The following PLAT variants were observed in gnomAD, a reference collection of about 807,000 sequenced individuals.
The protein encoded by PLAT is tissue-type plasminogen activator.
PLAT carries 48 observed loss-of-function variants against 74.9 expected under a neutral mutation model. That is an observed-to-expected ratio of 0.64 (90% CI 0.51 to 0.82). PLAT has a LOEUF of 0.82. PLAT is among the 40% of genes least tolerant of loss of function. PLAT has a pLI of 0.00. For missense variants in PLAT, 673 were observed against 736.2 expected, an observed-to-expected ratio of 0.91 and a Z score of 0.99; for synonymous variants, 307 against 294.4, an observed-to-expected ratio of 1.04 and a Z score of -0.44.
intron 9 of PLAT, 63 bp from the exon 10 acceptor site, chr8:42,180,748 G>A: frequency 2.4e-6 from 3 of 1,247,974 alleles, no homozygotes; most frequent in South Asian, 2.9e-5. Context: ...TGTAGGTAGA[G>A]TGAGGAGGCC....
chr8:42,180,671 T>G lies in PLAT; in HGVS notation c.904A>C (p.Arg302=). 6.3e-7 allele frequency: 1 copy of G among 1,575,118 alleles called. No individual in the cohort carries two copies. ...CGAAACTGAGGCTGGCTGTACTGTC[T>G]CAGGCCGCAGGTGGCTGGGGAGGAA... is the stretch of plus-strand genomic sequence containing the variant. ...DVPSCSTCGL[R]QYSQPQFRIK... The change falls in exon 10 of 14, where the codon AGA becomes CGA. Residue 302 remains arginine, a synonymous_variant. Coordinates refer to ENST00000220809, the MANE Select transcript of PLAT (RefSeq NM_000930.5).
chr8:42,195,716 A>C (rs1002697019), intron 1 of PLAT: 1 of 152,054 alleles, frequency 6.6e-6, no homozygotes, highest in African/African-American at 2.4e-5. Context: ...ATTCCTCTTA[A>C]ATTCCCCTTT....
rs748426960 is a variant in PLAT, at chr8:42,179,051, T to A, written c.1376A>T (p.Tyr459Phe). 3 of 1,611,350 alleles carry A rather than the reference T, an allele frequency of 1.9e-6. No homozygotes were observed. The highest frequency in any genetic ancestry group is 2.5e-6 in the Non-Finnish European group (3 of 1,177,902). Residue 459 changes from tyrosine (Y) to phenylalanine (F), a missense_variant, in exon 13 of 14, where the codon TAT (tyrosine) becomes TTT (phenylalanine). Coordinates refer to ENST00000220809, the MANE Select transcript of PLAT (RefSeq NM_000930.5). ...ATGAGCCTCCTTCAGCCGCTCCGAA[T>A]AGAAAGGAGACACTGAAAGGGGAGA... Reference protein sequence around the residue: ...YGKHEALSPFYSERLKEAHVR... With the variant: ...YGKHEALSPFFSERLKEAHVR...
intron 3 of PLAT, among the ~76,000 whole-genome samples, chr8:42,191,091 G>GCC (rs8178736): frequency 6.6e-6 from 1 of 151,652 alleles, no homozygotes; most frequent in African/African-American, 2.4e-5. Flanking sequence ...GCCAGTGGCC[G>GCC]CCCCCCCCAG....
intron 1 of PLAT, chr8:42,193,471 G>A (rs1805765057): frequency 3.3e-6 from 1 of 298,834 alleles, no homozygotes; most frequent in Admixed American, 4.3e-5. Flanking sequence ...ATTGCTGTGC[G>A]GCCGGCCGTC....
chr8:42,193,956 C>T (rs1464588753), intron 1 of PLAT, among the ~76,000 whole-genome samples: 11 of 151,908 alleles, frequency 7.2e-5, no homozygotes, highest in South Asian at 2.1e-4. Flanking sequence ...CCTCGTGATC[C>T]GCTCGCCTTG....
rs748193690 is a variant in PLAT at position 42,180,681 on chromosome 8, G to T, written c.894C>A (p.Thr298=). 1.3e-6 allele frequency: 2 copies of T among 1,561,464 alleles called. No individual in the cohort carries two copies. Among genetic ancestry groups the T allele is most frequent in the Admixed American group, 3.7e-5 (2 of 53,898 alleles). Residue 298 remains threonine (T), a synonymous_variant, in exon 10 of 14, where the codon ACC becomes ACA. Transcript: ENST00000220809. ...GCTGGCTGTACTGTCTCAGGCCGCAGGTGGCTGGGGAGGAAAGGACGAGGA... is the reference window on the plus strand; with the variant it reads ...GCTGGCTGTACTGTCTCAGGCCGCATGTGGCTGGGGAGGAAAGGACGAGGA... The part of the protein sequence containing the change: ...WEYCDVPSCS[T]CGLRQYSQPQ...
chr8:42,203,986 T>TACACACACACAC (rs1395910660), intron 1 of PLAT, among the ~76,000 whole-genome samples: 5 of 120,054 alleles, frequency 4.2e-5, no homozygotes, highest in African/African-American at 2.8e-4. Flanking sequence ...TATATATATA[T>TACACACACACAC]ATATATACAC....
At chr8:42,198,926 A>C (rs918813727) in intron 1 of PLAT, among the ~76,000 whole-genome samples, 1 of 152,218 alleles carries the variant, frequency 6.6e-6, no homozygotes, top group Non-Finnish European at 1.5e-5. Context: ...TTAAGAAAAG[A>C]AACGGCCAGG....
chr8:42,182,036 G>A lies in PLAT; in HGVS notation c.804-14C>T, dbSNP rs1447742963. On this transcript the variant is annotated splice_polypyrimidine_tract_variant and intron_variant, in intron 8 of 13. Coordinates refer to ENST00000220809, the MANE Select transcript of PLAT (RefSeq NM_000930.5). ...CCATCAGGATTCCTAAATGATAAGA[G>A]AGTTTAAGGTTTCCTTTTTATCTTC... 6.6e-7 allele frequency: 1 copy of A among 1,520,038 alleles called. No individual in the cohort carries two copies. Among genetic ancestry groups the A allele is most frequent in the Admixed American group, 1.7e-5 (1 of 59,820 alleles). 94.2% of individuals were successfully genotyped at this position (1,520,038 alleles called of 1,614,324 possible).
intron 1 of PLAT, among the ~76,000 whole-genome samples, chr8:42,196,750 CA>C (rs1300012821): frequency 6.6e-6 from 1 of 151,062 alleles, no homozygotes; most frequent in Admixed American, 6.6e-5. Context: ...GGAAGAGGCT[CA>C]TTTTTATAAA....
At chr8:42,196,717 G>C (rs1805923265) in intron 1 of PLAT, among the ~76,000 whole-genome samples, 1 of 152,102 alleles carries the variant, frequency 6.6e-6, no homozygotes, top group Non-Finnish European at 1.5e-5. Flanking sequence ...ACCCGGGTGA[G>C]AGATGACATT....
At chr8:42,182,527 G>A (rs1340969684) in intron 8 of PLAT, 192 bp downstream of exon 8, 1 of 488,672 alleles carries the variant, frequency 2.0e-6, no homozygotes, top group African/African-American at 2.0e-5. Context: ...ATTTAGGTTG[G>A]AAAACTGGTA....
At position 42,176,037 on chromosome 8, in the gene PLAT, C is replaced by A; in HGVS notation, c.1645G>T (p.Val549Phe). 1 of 1,614,138 alleles carries A rather than the reference C, an allele frequency of 6.2e-7. No homozygotes were observed. Among genetic ancestry groups the A allele is most frequent in the Middle Eastern group, 1.6e-4 (1 of 6,062 alleles). The change falls in exon 14 of 14, where the codon GTT becomes TTT. Residue 549 changes from valine to phenylalanine, a missense_variant. Val to Phe is a conservative substitution (Grantham distance 50, BLOSUM62 -1). Coordinates refer to ENST00000220809, the MANE Select transcript of PLAT (RefSeq NM_000930.5). ...QKDVPGVYTK[V>F]TNYLDWIRDN... ...CGAATCCAGTCTAGGTAGTTGGTAACCTTGGTGTACACACCCGGGACATCC... is the reference window on the plus strand; with the variant it reads ...CGAATCCAGTCTAGGTAGTTGGTAAACTTGGTGTACACACCCGGGACATCC...
At chr8:42,182,064 AT>A in intron 8 of PLAT, 42 bp from the exon 9 acceptor site, 1 of 1,287,300 alleles carries the variant, frequency 7.8e-7, no homozygotes, top group Non-Finnish European at 1.1e-6. Context: ...TTATCTTCTT[AT>A]TTTTTAATTT....
At chr8:42,204,248 G>T (rs2129831407) in intron 1 of PLAT, among the ~76,000 whole-genome samples, 1 of 151,968 alleles carries the variant, frequency 6.6e-6, no homozygotes, top group South Asian at 2.1e-4. Flanking sequence ...GCTTGACTAG[G>T]ACGAGGTTTA....
chr8:42,197,458 T>G (rs549804543), intron 1 of PLAT, among the ~76,000 whole-genome samples: 3 of 152,330 alleles, frequency 2.0e-5, no homozygotes, highest in African/African-American at 7.2e-5. Context: ...TACCGTGCTG[T>G]AAGCTCACTT....
At chr8:42,206,278 T>A (rs1806326621) in intron 1 of PLAT, among the ~76,000 whole-genome samples, 1 of 152,156 alleles carries the variant, frequency 6.6e-6, no homozygotes, top group African/African-American at 2.4e-5. Context: ...GTGGAATAAA[T>A]GGGTGGGCAG....
chr8:42,188,786 C>G (rs1805579692), intron 4 of PLAT, 148 bp downstream of exon 4: 1 of 679,300 alleles, frequency 1.5e-6, no homozygotes, highest in Admixed American at 2.3e-5. Flanking sequence ...CCAGGTCTGG[C>G]TAATTTTTTT....
Sources: gnomAD v4.1 joint callset for allele counts (sites outside exome capture counted in the v4.1 genomes callset) on GRCh38, gnomAD v4.1.1 for gene constraint, MANE v1.5 for transcripts, NCBI Gene and HGNC (gene_info 2026-07-23, HGNC 2026-07-21) for gene names.